The following PSRC1 variants were observed in gnomAD, a reference collection of about 807,000 sequenced individuals.
PSRC1 encodes the protein proline/serine-rich coiled-coil protein 1.
Under a neutral mutation model 31.9 loss-of-function variants are expected in PSRC1, and 30 were observed. The observed-to-expected ratio is 0.94, with a 90% CI of 0.70 to 1.28. The LOEUF is 1.28. Among genes scored for constraint, PSRC1 ranks in the 50% most tolerant of loss-of-function variants. The pLI, the probability that PSRC1 is intolerant of heterozygous loss-of-function variation, is 0.00. For missense variants in PSRC1, 481 were observed against 472.8 expected, an observed-to-expected ratio of 1.02 and a Z score of -0.16; for synonymous variants, 191 against 192.1, an observed-to-expected ratio of 0.99 and a Z score of 0.05.
intron 5 of PSRC1, 38 bp downstream of exon 6, chr1:109,280,739 C>G (rs1656927220): frequency 6.7e-7 from 1 of 1,501,314 alleles, no homozygotes; most frequent in Admixed American, 2.0e-5. Flanking sequence ...TGAGGACACG[C>G]TGGGCAAGGG....
rs1378928797 is a variant in PSRC1 at position 109,281,006 on chromosome 1, A to C, written c.765T>G (p.Pro255=). 8.2e-6 allele frequency: 13 copies of C among 1,591,866 alleles called. No homozygotes were observed. In the East Asian group the frequency reaches 3.0e-4, roughly 36 times the overall value. Residue 255 remains proline (P), a synonymous_variant, in exon 5 of 7, where the codon CCT becomes CCG. Transcript: ENST00000409138. Reference sequence around the variant, plus strand: ...GCAGGCGTTGAGAGTTGCTGGTAGAAGGCTGTGGGGCCAGGACGGATCTGA... The same window carrying C: ...GCAGGCGTTGAGAGTTGCTGGTAGACGGCTGTGGGGCCAGGACGGATCTGA...
At chr1:109,281,998 G>T in exon 4 of PSRC1, 1 of 1,514,090 alleles carries the variant, frequency 6.6e-7, no homozygotes, top group Non-Finnish European at 8.8e-7. Context: ...ACTTCGGTGG[G>T]AGAGGCCCCG....
chr1:109,281,629 T>A, exon 4 of PSRC1: 2 of 1,611,016 alleles, frequency 1.2e-6, no homozygotes, highest in Non-Finnish European at 1.7e-6. Context: ...CCTCTTCATG[T>A]TGGAGGGCCT....
exon 7 of PSRC1, chr1:109,279,743 C>T (rs1280263182): frequency 4.7e-6 from 1 of 213,332 alleles, no homozygotes; most frequent in Non-Finnish European, 9.6e-6. Context: ...GAAGATGGCT[C>T]CTCAGAGGGC....
At chr1:109,281,777 C>T in exon 4 of PSRC1, 1 of 1,614,152 alleles carries the variant, frequency 6.2e-7, no homozygotes, top group East Asian at 2.2e-5. Flanking sequence ...ACAGGACTAT[C>T]CTTCAGCACA....
intron 3 of PSRC1, 197 bp from the exon 4 acceptor site, chr1:109,282,257 G>T: frequency 1.6e-6 from 1 of 618,930 alleles, no homozygotes; most frequent in Non-Finnish European, 2.8e-6. Context: ...TAGCATTTAC[G>T]GACATCAGAA....
exon 5 of PSRC1, chr1:109,280,861 G>A (rs370720646): frequency 3.1e-6 from 5 of 1,613,450 alleles, no homozygotes; most frequent in South Asian, 1.1e-5. Context: ...TCCGGAGGTA[G>A]GGCACCTCTG....
intron 6 of PSRC1, 111 bp downstream of exon 7, chr1:109,280,282 CCCT>C: frequency 7.1e-7 from 1 of 1,411,716 alleles, no homozygotes. Flanking sequence ...CCCCAGGCTC[CCCT>C]CCTCTCTCCA....
Position 109,281,837 on chromosome 1 carries a change from C to A in PSRC1, c.301G>T (p.Glu101Ter). Reference sequence around the variant, plus strand: ...TTCACTCGGCGAGGCCCCAGGCCCTCGCCTGCGCTCTCCCGATCCTGCAGG... The same window carrying A: ...TTCACTCGGCGAGGCCCCAGGCCCTAGCCTGCGCTCTCCCGATCCTGCAGG... The change falls in exon 4 of 7, where the codon GAG becomes TAG. Residue 101 changes from glutamate to a stop codon, truncating the protein, a stop_gained. Coordinates refer to ENST00000409138, the Ensembl canonical transcript of PSRC1. LOFTEE classifies it high-confidence loss of function. The A allele has an allele frequency of 6.2e-7, 1 of 1,613,902 alleles. No individual in the cohort carries two copies. Among genetic ancestry groups the A allele is most frequent in the South Asian group, 1.1e-5 (1 of 91,082 alleles).
At chr1:109,282,004 C>T in exon 4 of PSRC1, 1 of 1,511,234 alleles carries the variant, frequency 6.6e-7, no homozygotes, top group Non-Finnish European at 8.8e-7. Context: ...GTGGGAGAGG[C>T]CCCGTCGAAG....
At chr1:109,282,532 C>T (rs1273599936) in exon 3 of PSRC1, 1 of 1,614,016 alleles carries the variant, frequency 6.2e-7, no homozygotes, top group South Asian at 1.1e-5. Context: ...CAGATGGTGA[C>T]AGCCCCCCAA....
At position 109,281,110 on chromosome 1, in the gene PSRC1, G is replaced by A. The variant is rs143295778; in HGVS notation, c.661C>T (p.Arg221Trp). ...ACAAACTCCCCACTCCCACTCACCC[G>A]CAACTTGGCTGCTCTGGTCTCCTCA... Residue 221 changes from arginine to tryptophan, a missense_variant, in exon 5 of 7, where the codon CGG (arginine) becomes TGG (tryptophan). Physicochemically the swap from Arg to Trp is moderately radical, Grantham distance 101 (BLOSUM62 -3). Coordinates refer to ENST00000409138, the Ensembl canonical transcript of PSRC1. 1.5e-5 allele frequency: 24 copies of A among 1,613,188 alleles called. No homozygotes were observed. Among genetic ancestry groups the A allele is most frequent in the African/African-American group, 1.1e-4 (8 of 75,030 alleles).
chr1:109,282,722 C>G, exon 2 of PSRC1: 1 of 1,550,650 alleles, frequency 6.4e-7, no homozygotes, highest in South Asian at 1.2e-5. Flanking sequence ...GAGCGAGAGT[C>G]CAGTTAGATC....
chr1:109,282,897 G>A (rs967000990), intron 1 of PSRC1, 161 bp from the exon 2 acceptor site: 15 of 659,224 alleles, frequency 2.3e-5, no homozygotes, highest in Non-Finnish European at 3.1e-5. Flanking sequence ...GGAACGATAC[G>A]GAGGGCTCCC....
chr1:109,280,724 G>A (rs916716878), intron 5 of PSRC1, 53 bp downstream of exon 6: 4 of 1,426,928 alleles, frequency 2.8e-6, no homozygotes, highest in Non-Finnish European at 3.8e-6. Flanking sequence ...ACAGCTCTGG[G>A]AGGGTGAGGA....
At chr1:109,282,892 G>C (rs750466641) in intron 1 of PSRC1, 156 bp from the exon 2 acceptor site, 4 of 664,016 alleles carry the variant, frequency 6.0e-6, no homozygotes, top group Non-Finnish European at 1.0e-5. Flanking sequence ...CTCCGGGAAC[G>C]ATACGGAGGG....
Position 109,281,134 on chromosome 1 carries a change from C to T in PSRC1, c.637G>A (p.Glu213Lys). The T allele has an allele frequency of 1.2e-6, 2 of 1,613,196 alleles. No homozygotes were observed. Among genetic ancestry groups the T allele is most frequent in the East Asian group, 2.2e-5 (1 of 44,862 alleles). Residue 213 changes from glutamate (E) to lysine (K), a missense_variant, in exon 5 of 7, where the codon GAG (glutamate) becomes AAG (lysine). Physicochemically the swap from Glu to Lys is moderately conservative, Grantham distance 56. Transcript: ENST00000409138. The stretch of plus-strand genomic sequence containing the variant: ...CGCAACTTGGCTGCTCTGGTCTCCT[C>T]ACTGGCTGCTGCTCTCCCACTGGGC...
exon 7 of PSRC1, chr1:109,280,140 T>C: frequency 6.2e-7 from 1 of 1,614,198 alleles, no homozygotes; most frequent in Non-Finnish European, 8.5e-7. Flanking sequence ...TCTTGCTTGC[T>C]GTCCTGATCT....
chr1:109,280,587 TC>T, intron 5 of PSRC1, 98 bp from the exon 7 acceptor site: 1 of 1,064,236 alleles, frequency 9.4e-7, no homozygotes. Flanking sequence ...ATTAGTACTC[TC>T]CCCCTGACCA....
Sources: allele counts gnomAD v4.1 joint callset, GRCh38; gene constraint gnomAD v4.1.1; transcripts MANE v1.5; gene names NCBI Gene and HGNC (gene_info 2026-07-23, HGNC 2026-07-21).